Variants in TTC27 observed in about 807,000 individuals in gnomAD.
TTC27 encodes tetratricopeptide repeat domain 27.
Under a neutral mutation model 115.9 loss-of-function variants are expected in TTC27, and 79 were observed. The ratio of observed to expected loss-of-function variants is 0.68; its 90% confidence interval spans 0.57 to 0.82. The LOEUF (loss-of-function observed/expected upper bound fraction) is 0.82. Among genes scored for constraint, TTC27 ranks in the 40% least tolerant of loss-of-function variants. The pLI, the probability that TTC27 is intolerant of heterozygous loss-of-function variation, is 0.00. For missense variants in TTC27, 1,054 were observed against 993.1 expected, an observed-to-expected ratio of 1.06 and a Z score of -0.82; for synonymous variants, 401 against 356.0, an observed-to-expected ratio of 1.13 and a Z score of -1.42.
chr2:32,643,855 C>T lies in TTC27; in HGVS notation c.537+3445C>T, dbSNP rs144075855. ...TTCGACACCAGTCTGGCCAACATGG[C>T]GACACCCTGTCTCTAGTAAAAATAC... On this transcript the variant is annotated intron_variant, in intron 4 of 19. Coordinates refer to ENST00000317907, the MANE Select transcript of TTC27 (RefSeq NM_017735.5). Among the ~76,000 whole-genome samples the T allele has an allele frequency of 4.3e-3, 649 of 151,590 alleles. 5 individuals carry two copies. The highest frequency in any genetic ancestry group is 0.012 in the African/African-American group (513 of 41,372).
intron 5 of TTC27, among the ~76,000 whole-genome samples, chr2:32,662,376 C>T (rs1331019904): frequency 3.3e-5 from 5 of 151,642 alleles, no homozygotes; most frequent in Non-Finnish European, 1.5e-5. Flanking sequence ...TGGTAGAATT[C>T]GGCTGTGAAT....
chr2:32,748,860 G>C (rs1668916401), intron 12 of TTC27, among the ~76,000 whole-genome samples: 1 of 151,700 alleles, frequency 6.6e-6, no homozygotes, highest in Non-Finnish European at 1.5e-5. Context: ...GCTAATTTTT[G>C]TATTTTTAGT....
intron 16 of TTC27, among the ~76,000 whole-genome samples, chr2:32,801,651 A>C (rs959699276): frequency 6.6e-6 from 1 of 152,238 alleles, no homozygotes; most frequent in Non-Finnish European, 1.5e-5. Context: ...CAGTTGTAGC[A>C]GTAGCATTGA....
At chr2:32,766,679 G>A (rs1669639283) in intron 13 of TTC27, 1 of 158,190 alleles carries the variant, frequency 6.3e-6, no homozygotes, top group South Asian at 1.7e-4. Context: ...GAAATATTGT[G>A]AGAGTTACCA....
intron 5 of TTC27, among the ~76,000 whole-genome samples, chr2:32,653,084 A>G (rs925192135): frequency 2.6e-5 from 4 of 152,166 alleles, no homozygotes; most frequent in African/African-American, 9.7e-5. Flanking sequence ...GCTTCTCTAA[A>G]GACTATTCAG....
intron 9 of TTC27, among the ~76,000 whole-genome samples, chr2:32,699,005 C>T (rs1239819375): frequency 6.6e-6 from 1 of 152,162 alleles, no homozygotes; most frequent in Non-Finnish European, 1.5e-5. Context: ...TTTTCATGAG[C>T]ACCAGTCACT....
At chr2:32,795,238 G>A (rs1670659003) in intron 16 of TTC27, among the ~76,000 whole-genome samples, 1 of 151,632 alleles carries the variant, frequency 6.6e-6, no homozygotes, top group Admixed American at 6.6e-5. Context: ...ATATTAAAAG[G>A]ATTATACACC....
chr2:32,659,727 C>T (rs188951009), intron 5 of TTC27, among the ~76,000 whole-genome samples: 4 of 152,236 alleles, frequency 2.6e-5, no homozygotes, highest in Admixed American at 2.0e-4. Flanking sequence ...CATGTGTTCT[C>T]ATTGTTCAGC....
intron 10 of TTC27, among the ~76,000 whole-genome samples, chr2:32,709,461 A>G (rs1010215216): frequency 1.3e-5 from 2 of 152,206 alleles, no homozygotes; most frequent in African/African-American, 2.4e-5. Flanking sequence ...ATATTTGCAT[A>G]TACGTAATGA....
chr2:32,651,723 C>T (rs1665134586), intron 5 of TTC27, among the ~76,000 whole-genome samples: 2 of 152,112 alleles, frequency 1.3e-5, no homozygotes, highest in African/African-American at 4.8e-5. Context: ...CATAAATATT[C>T]CTAAGCCAGG....
intron 12 of TTC27, among the ~76,000 whole-genome samples, chr2:32,739,220 G>C (rs1278885551): frequency 1.3e-5 from 2 of 152,146 alleles, no homozygotes; most frequent in African/African-American, 4.8e-5. Context: ...ATTCTTTACT[G>C]TGCTAGTCTT....
intron 13 of TTC27, among the ~76,000 whole-genome samples, chr2:32,767,826 G>C (rs1389946220): frequency 6.6e-6 from 1 of 152,112 alleles, no homozygotes; most frequent in African/African-American, 2.4e-5. Context: ...AAGTTGCTCT[G>C]AGCTTACCAG....
At chr2:32,751,297 C>CACACACACACAT (rs1669004685) in intron 12 of TTC27, among the ~76,000 whole-genome samples, 3 of 148,726 alleles carry the variant, frequency 2.0e-5, no homozygotes, top group Non-Finnish European at 4.5e-5. Context: ...CACACACACA[C>CACACACACACAT]ACACATGCAC....
chr2:32,703,564 A>C (rs966501560), intron 10 of TTC27, among the ~76,000 whole-genome samples: 1 of 152,246 alleles, frequency 6.6e-6, no homozygotes, highest in Non-Finnish European at 1.5e-5. Context: ...CCCCATAGGT[A>C]TGGGTTGTAT....
chr2:32,698,182 G>A (rs1361458095), intron 9 of TTC27, among the ~76,000 whole-genome samples: 1 of 152,064 alleles, frequency 6.6e-6, no homozygotes, highest in Non-Finnish European at 1.5e-5. Context: ...AGCCCAGACT[G>A]GAGTGCAGTA....
intron 5 of TTC27, among the ~76,000 whole-genome samples, chr2:32,662,659 TTTC>T (rs1389476287): frequency 1.3e-5 from 2 of 152,170 alleles, no homozygotes; most frequent in African/African-American, 4.8e-5. Flanking sequence ...TCTTCTCTCT[TTTC>T]TTCTTTATTA....
chr2:32,800,508 A>AT (rs1447773618), intron 16 of TTC27, among the ~76,000 whole-genome samples: 2 of 139,110 alleles, frequency 1.4e-5, no homozygotes, highest in African/African-American at 5.4e-5. Context: ...TTTTATCATT[A>AT]TTTTTTTGAG....
chr2:32,674,931 G>A (rs1014727266), intron 8 of TTC27, among the ~76,000 whole-genome samples: 4 of 151,856 alleles, frequency 2.6e-5, no homozygotes, highest in African/African-American at 7.3e-5. Context: ...CAAAGTGCTG[G>A]GATTACAGGC....
At chr2:32,695,354 CG>C (rs2151896992) in intron 9 of TTC27, among the ~76,000 whole-genome samples, 1 of 152,126 alleles carries the variant, frequency 6.6e-6, no homozygotes, top group South Asian at 2.1e-4. Flanking sequence ...GAGGCCAAGG[CG>C]GGTGGATCAC....
Sources: allele counts gnomAD v4.1 joint callset (sites outside exome capture counted in the v4.1 genomes callset), GRCh38; gene constraint gnomAD v4.1.1; transcripts MANE v1.5; gene names NCBI Gene and HGNC (gene_info 2026-07-23, HGNC 2026-07-21).